GLRB: variants seen among roughly 807,000 people sequenced by gnomAD.
GLRB encodes glycine receptor subunit beta.
GLRB carries 33 observed loss-of-function variants against 54.2 expected under a neutral mutation model. That is an observed-to-expected ratio of 0.61 (90% CI 0.46 to 0.81). GLRB has a LOEUF of 0.81. GLRB is among the 40% of genes least tolerant of loss of function. The pLI is 0.00. For synonymous variants in GLRB, 209 were observed against 208.2 expected, an observed-to-expected ratio of 1.00 and a Z score of -0.03; for missense variants, 572 against 584.6, an observed-to-expected ratio of 0.98 and a Z score of 0.22.
intron 2 of GLRB, among the ~76,000 whole-genome samples, chr4:157,089,536 C>T (rs1209539263): frequency 2.6e-5 from 4 of 152,174 alleles, no homozygotes; most frequent in Non-Finnish European, 5.9e-5. Context: ...CGATTTCACC[C>T]ATCCCACATG....
At chr4:157,100,910 T>C (rs1309795519) in intron 2 of GLRB, among the ~76,000 whole-genome samples, 1 of 152,086 alleles carries the variant, frequency 6.6e-6, no homozygotes, top group Non-Finnish European at 1.5e-5. Context: ...GAATTTGGGG[T>C]TGAATTCCAT....
intron 2 of GLRB, among the ~76,000 whole-genome samples, chr4:157,087,298 C>A (rs1734446812): frequency 6.6e-6 from 1 of 152,074 alleles, no homozygotes; most frequent in Non-Finnish European, 1.5e-5. Flanking sequence ...AATAAGATAG[C>A]AGAAAGAACA....
chr4:157,134,560 A>G (rs1420529964), intron 4 of GLRB, among the ~76,000 whole-genome samples: 3 of 152,118 alleles, frequency 2.0e-5, no homozygotes, highest in African/African-American at 7.2e-5. Context: ...TTATATCCCT[A>G]TACATATATG....
intron 2 of GLRB, among the ~76,000 whole-genome samples, chr4:157,092,692 C>T (rs2126455919): frequency 6.6e-6 from 1 of 152,248 alleles, no homozygotes; most frequent in South Asian, 2.1e-4. Context: ...ACATGGGAGG[C>T]CATCGACTTT....
At chr4:157,077,369 G>T (rs114025841) in intron 1 of GLRB, among the ~76,000 whole-genome samples, 2,679 of 152,164 alleles carry the variant, frequency 0.018, 61 homozygotes, top group African/African-American at 0.059. Flanking sequence ...GCTAACTTAA[G>T]AGGCACCTTT....
chr4:157,111,075 G>A (rs377212168), intron 2 of GLRB, among the ~76,000 whole-genome samples: 47 of 152,064 alleles, frequency 3.1e-4, no homozygotes, highest in Middle Eastern at 3.4e-3. Context: ...TCAAAGCACC[G>A]CTTTGTTCTT....
chr4:157,084,032 A>C (rs116142516), intron 2 of GLRB, among the ~76,000 whole-genome samples: 2 of 152,168 alleles, frequency 1.3e-5, no homozygotes, highest in Non-Finnish European at 2.9e-5. Flanking sequence ...TAGGTACATC[A>C]TATATGAAAC....
At chr4:157,170,391 A>G (rs2126637407) in intron 9 of GLRB, 41 bp from the exon 10 acceptor site, 1 of 1,193,166 alleles carries the variant, frequency 8.4e-7, no homozygotes, top group Non-Finnish European at 1.2e-6. Context: ...TTTCGTAAGT[A>G]GAAAAGTTTT....
chr4:157,106,637 C>T (rs1735236221), intron 2 of GLRB, among the ~76,000 whole-genome samples: 1 of 151,832 alleles, frequency 6.6e-6, no homozygotes, highest in Non-Finnish European at 1.5e-5. Flanking sequence ...TTCCCTTGGA[C>T]ATCAGAACTT....
intron 9 of GLRB, among the ~76,000 whole-genome samples, chr4:157,162,764 G>A (rs1445459102): frequency 1.3e-5 from 2 of 152,190 alleles, no homozygotes; most frequent in Non-Finnish European, 2.9e-5. Flanking sequence ...ATGTCTCCCA[G>A]TTAGGCTACT....
intron 9 of GLRB, among the ~76,000 whole-genome samples, chr4:157,165,345 A>AT (rs1382226448): frequency 2.6e-5 from 4 of 151,994 alleles, no homozygotes; most frequent in Non-Finnish European, 5.9e-5. Flanking sequence ...TTCAAAATGC[A>AT]TTTTTTCTAA....
intron 8 of GLRB, among the ~76,000 whole-genome samples, chr4:157,147,438 G>T (rs1736854208): frequency 6.6e-6 from 1 of 151,466 alleles, no homozygotes; most frequent in South Asian, 2.1e-4. Context: ...AAGAAAGCCT[G>T]ATTGGACTGG....
At position 157,152,048 on chromosome 4, in the gene GLRB, A is replaced by T. The variant is rs138265661; in HGVS notation, c.905-670A>T. ...GAGAGTGGCAATTGGGAAGAGAAAG[A>T]GAGCAATAAATTATTGCAATTCTTC... is the stretch of plus-strand genomic sequence containing the variant. On this transcript the variant is annotated intron_variant, in intron 8 of 9. Transcript: ENST00000264428. Among the ~76,000 whole-genome samples, 1,034 of 152,318 alleles carry T rather than the reference A, an allele frequency of 6.8e-3. 43 individuals are homozygous for T. The highest frequency in any genetic ancestry group is 0.063 in the Admixed American group (959 of 15,296).
intron 8 of GLRB, among the ~76,000 whole-genome samples, chr4:157,151,212 TAA>T (rs1266778273): frequency 6.6e-6 from 1 of 152,126 alleles, no homozygotes; most frequent in African/African-American, 2.4e-5. Flanking sequence ...CTCAAGGAAA[TAA>T]GTTAGGCTTG....
intron 2 of GLRB, among the ~76,000 whole-genome samples, chr4:157,120,352 G>A (rs1299645468): frequency 6.7e-6 from 1 of 150,202 alleles, no homozygotes; most frequent in African/African-American, 2.4e-5. Context: ...CCTGCACATT[G>A]TGCACACATA....
At chr4:157,125,984 C>T (rs899791603) in intron 4 of GLRB, among the ~76,000 whole-genome samples, 3 of 151,754 alleles carry the variant, frequency 2.0e-5, no homozygotes, top group Non-Finnish European at 4.4e-5. Context: ...TCTACTTCAG[C>T]AGATAGTGCT....
At chr4:157,153,074 C>A in intron 9 of GLRB, 64 bp downstream of exon 9, 1 of 1,351,146 alleles carries the variant, frequency 7.4e-7, no homozygotes, top group Non-Finnish European at 1.1e-6. Flanking sequence ...AAGAGAGAGA[C>A]ACCTTTGTGT....
intron 3 of GLRB, among the ~76,000 whole-genome samples, chr4:157,121,152 A>C (rs1000184566): frequency 6.6e-6 from 1 of 151,678 alleles, no homozygotes; most frequent in African/African-American, 2.4e-5. Flanking sequence ...TTTGCTGAAA[A>C]AACAATTGGC....
At chr4:157,098,323 G>A (rs1486184932) in intron 2 of GLRB, among the ~76,000 whole-genome samples, 2 of 152,074 alleles carry the variant, frequency 1.3e-5, no homozygotes, top group Admixed American at 1.3e-4. Flanking sequence ...CAAATGAAAA[G>A]ACAAATCCAA....
Sources: allele counts gnomAD v4.1 joint callset (sites outside exome capture counted in the v4.1 genomes callset), GRCh38; gene constraint gnomAD v4.1.1; transcripts MANE v1.5; gene names NCBI Gene and HGNC (gene_info 2026-07-23, HGNC 2026-07-21).